ZNF30: variants seen among roughly 807,000 people sequenced by gnomAD.
The protein encoded by ZNF30 is zinc finger protein 30 (KOX 28).
A neutral mutation model predicts 13.2 loss-of-function variants in ZNF30; 15 were observed. That is an observed-to-expected ratio of 1.13 (90% CI 0.76 to 1.75). The LOEUF is 1.75. ZNF30 is among the 40% of genes most tolerant of loss of function. The pLI, the probability that ZNF30 is intolerant of heterozygous loss-of-function variation, is 0.00. For synonymous variants in ZNF30, 223 were observed against 256.6 expected (o/e 0.87, Z 1.25); for missense variants, 726 against 757.0 (o/e 0.96, Z 0.48).
chr19:34,925,768 A>G (rs2012048083), upstream of ZNF30, among the ~76,000 whole-genome samples: 1 of 151,826 alleles, frequency 6.6e-6, no homozygotes, highest in Non-Finnish European at 1.5e-5. Flanking sequence ...CCCCTTCCAT[A>G]TCATTTAAAG....
Position 34,944,895 on chromosome 19 carries a change from G to A in ZNF30, c.*57G>A. The A allele has an allele frequency of 6.8e-7, 1 of 1,460,712 alleles. No homozygotes were observed. The highest frequency in any genetic ancestry group is 9.1e-7 in the Non-Finnish European group (1 of 1,097,456). The allele number at this position is 1,460,712 out of a possible 1,614,324, so 90.5% of individuals were successfully genotyped here. A position where few individuals can be genotyped will look rare whatever the true frequency, so the allele number is the denominator to read the frequency against. On this transcript the variant is annotated 3_prime_UTR_variant, in exon 5 of 5. Transcript: ENST00000601142. Reference sequence around the variant, plus strand: ...GTGGCTCAAACATTGTTGAACATCGGGGAATTTATGCTGGTAGGAAACTTT... The same window carrying A: ...GTGGCTCAAACATTGTTGAACATCGAGGAATTTATGCTGGTAGGAAACTTT...
intron 4 of ZNF30, among the ~76,000 whole-genome samples, chr19:34,934,170 G>C (rs2012605483): frequency 6.6e-6 from 1 of 152,074 alleles, no homozygotes; most frequent in Non-Finnish European, 1.5e-5. Context: ...AATGAGTTTT[G>C]TGTGCTTCAG....
intron 4 of ZNF30, among the ~76,000 whole-genome samples, chr19:34,938,918 G>A (rs10420831): frequency 7.9e-4 from 121 of 152,280 alleles, no homozygotes; most frequent in African/African-American, 2.6e-3. Context: ...GTGAGTTGGC[G>A]AGCTGCCGTG....
intron 2 of ZNF30, 102 bp downstream of exon 2, chr19:34,930,058 G>A: frequency 1.7e-6 from 2 of 1,194,694 alleles, no homozygotes; most frequent in Non-Finnish European, 2.4e-6. Flanking sequence ...CCATCTAATT[G>A]CCTACTTGAT....
Position 34,944,707 on chromosome 19 carries a change from T to G in ZNF30, c.1741T>G (p.Ser581Ala). ...KECGKAFRLN[S>A]FLTEHQRVHT... Reference sequence around the variant, plus strand: ...ATGCGGGAAGGCCTTTAGACTTAATTCATTCCTTACTGAACATCAGCGGGT... The same window carrying G: ...ATGCGGGAAGGCCTTTAGACTTAATGCATTCCTTACTGAACATCAGCGGGT... Residue 581 changes from serine (S) to alanine (A), a missense_variant, in exon 5 of 5, where the codon TCA becomes GCA. Coordinates refer to ENST00000601142, the MANE Select transcript of ZNF30 (RefSeq NM_194325.3). 13 of 1,612,578 alleles carry G rather than the reference T, an allele frequency of 8.1e-6. No individual in the cohort carries two copies. Among genetic ancestry groups the G allele is most frequent in the Non-Finnish European group, 1.1e-5 (13 of 1,178,822 alleles).
rs1425761170 is a variant in ZNF30 at position 34,944,311 on chromosome 19, G to A, written c.1345G>A (p.Val449Ile). 1 of 1,613,302 alleles carries A rather than the reference G, an allele frequency of 6.2e-7. No homozygotes were observed. The highest frequency in any genetic ancestry group is 1.1e-5 in the South Asian group (1 of 91,036). ...CCATCAGCTTACCGTACATCAAAGG[G>A]TTCATACTGGAGAGAAACCCTATGA... is the stretch of plus-strand genomic sequence containing the variant. The part of the protein sequence containing the change: ...SRHQLTVHQR[V>I]HTGEKPYECK... The change falls in exon 5 of 5, where the codon GTT (valine) becomes ATT (isoleucine). Residue 449 changes from valine to isoleucine, a missense_variant. Coordinates refer to ENST00000601142, the MANE Select transcript of ZNF30 (RefSeq NM_194325.3).
At chr19:34,942,782 T>C (rs2013113182) in intron 4 of ZNF30, 2 of 400,250 alleles carry the variant, frequency 5.0e-6, no homozygotes, top group Admixed American at 6.3e-5. Flanking sequence ...GCAGGGACAA[T>C]ATTATCTGTG....
intron 1 of ZNF30, among the ~76,000 whole-genome samples, chr19:34,927,652 G>GAA (rs1332792347): frequency 6.6e-6 from 1 of 151,858 alleles, no homozygotes; most frequent in East Asian, 1.9e-4. Context: ...AGGAGAGCAA[G>GAA]ATGACAGCTG....
chr19:34,944,906 C>T lies in ZNF30; in HGVS notation c.*68C>T. On this transcript the variant is annotated 3_prime_UTR_variant, in exon 5 of 5. Coordinates refer to ENST00000601142, the MANE Select transcript of ZNF30 (RefSeq NM_194325.3). Reference sequence around the variant, plus strand: ...ATTGTTGAACATCGGGGAATTTATGCTGGTAGGAAACTTTCAAATGTGAAG... The same window carrying T: ...ATTGTTGAACATCGGGGAATTTATGTTGGTAGGAAACTTTCAAATGTGAAG... 1.4e-6 allele frequency: 2 copies of T among 1,423,236 alleles called. No individual in the cohort carries two copies. Among genetic ancestry groups the T allele is most frequent in the Non-Finnish European group, 1.9e-6 (2 of 1,070,054 alleles). The allele number at this position is 1,423,236 out of a possible 1,614,324, so 88.2% of individuals were successfully genotyped here.
chr19:34,939,092 C>T (rs532190029), intron 4 of ZNF30, among the ~76,000 whole-genome samples: 107 of 148,774 alleles, frequency 7.2e-4, no homozygotes, highest in African/African-American at 2.6e-3. Context: ...TCCACTCAGT[C>T]CACATGCAAC....
Position 34,933,675 on chromosome 19 carries a change from AAAGAGCCTG to A in ZNF30, c.212_220del (p.Glu71_Glu73del), listed in dbSNP as rs750439134. ...TGTGATCGCCTTATTGGAACAATGG[AAAGAGCCTG>A]AAGTGACAGTGAGGAAAGATGGAAG... On this transcript the variant is annotated inframe_deletion, in exon 4 of 5. Coordinates refer to ENST00000601142, the MANE Select transcript of ZNF30 (RefSeq NM_194325.3). 13 of 1,600,110 alleles carry A rather than the reference AAAGAGCCTG, an allele frequency of 8.1e-6. No homozygotes were observed. The highest frequency in any genetic ancestry group is 1.1e-5 in the Non-Finnish European group (13 of 1,173,128).
chr19:34,942,036 C>T (rs764951831), intron 4 of ZNF30, among the ~76,000 whole-genome samples: 4 of 152,056 alleles, frequency 2.6e-5, no homozygotes, highest in East Asian at 1.9e-4. Flanking sequence ...AAGAAGTACA[C>T]GTTTATTCAG....
At chr19:34,930,957 T>C (rs575461835) in intron 2 of ZNF30, among the ~76,000 whole-genome samples, 6 of 152,244 alleles carry the variant, frequency 3.9e-5, no homozygotes, top group African/African-American at 1.4e-4. Context: ...ATGAACAGAT[T>C]ACCAGAACTG....
At chr19:34,939,473 C>T (rs528849721) in intron 4 of ZNF30, among the ~76,000 whole-genome samples, 3 of 151,164 alleles carry the variant, frequency 2.0e-5, no homozygotes, top group South Asian at 2.1e-4. Context: ...CCACCGTGCC[C>T]GGCCTAACTT....
At chr19:34,928,570 C>T (rs898190801) in intron 1 of ZNF30, among the ~76,000 whole-genome samples, 2 of 152,074 alleles carry the variant, frequency 1.3e-5, no homozygotes, top group Non-Finnish European at 2.9e-5. Flanking sequence ...CGGTGGCTCA[C>T]GCCTGTAATC....
At chr19:34,924,494 G>A (rs1462897472), upstream of ZNF30, among the ~76,000 whole-genome samples, 1 of 152,084 alleles carries the variant, frequency 6.6e-6, no homozygotes, top group Non-Finnish European at 1.5e-5. Context: ...CCATCTCAGA[G>A]AGCACATTGT....
At chr19:34,923,846 G>A (rs1046276017), upstream of ZNF30, 22 of 152,116 alleles carry the variant, frequency 1.4e-4, no homozygotes, top group Non-Finnish European at 2.4e-4. Context: ...TATCCTAGTT[G>A]GAAACACAAT....
upstream of ZNF30, chr19:34,926,762 G>A: frequency 2.5e-6 from 1 of 395,322 alleles, no homozygotes; most frequent in Non-Finnish European, 4.5e-6. Context: ...GGCCCTCTAA[G>A]AAGCTGGCCA....
At position 34,944,602 on chromosome 19, in the gene ZNF30, G is replaced by C; in HGVS notation, c.1636G>C (p.Gly546Arg). The change falls in exon 5 of 5, where the codon GGG becomes CGG. Residue 546 changes from glycine to arginine, a missense_variant. Transcript: ENST00000601142. ...GEKPYECNKC[G>R]KAFTVYGQLI... ...GAAACCCTATGAATGTAACAAATGT[G>C]GGAAAGCCTTTACTGTTTATGGACA... 6.2e-7 allele frequency: 1 copy of C among 1,614,040 alleles called. No homozygotes were observed. The highest frequency in any genetic ancestry group is 8.5e-7 in the Non-Finnish European group (1 of 1,179,962).
Sources: allele counts gnomAD v4.1 joint callset (sites outside exome capture counted in the v4.1 genomes callset), GRCh38; gene constraint gnomAD v4.1.1; transcripts MANE v1.5; gene names NCBI Gene and HGNC (gene_info 2026-07-23, HGNC 2026-07-21).